DCDC1: variants seen among roughly 807,000 people sequenced by gnomAD.
DCDC1 encodes doublecortin domain containing 1, also known as doublecortin domain-containing protein 1.
DCDC1 carries 200 observed loss-of-function variants against 178.3 expected under a neutral mutation model. The observed-to-expected ratio is 1.12, with a 90% confidence interval of 1.00 to 1.26. DCDC1 has a LOEUF of 1.26. Ranked by LOEUF, DCDC1 falls within the 50% of genes most tolerant of loss-of-function variation. The probability of loss-of-function intolerance (pLI) is 0.00; values close to 1 mark genes in which losing one functional copy is unlikely to be tolerated. For synonymous variants in DCDC1, 690 were observed against 604.8 expected (o/e 1.14, Z -2.07); for missense variants, 1,983 against 1,749.2 (o/e 1.13, Z -2.38).
chr11:30,978,698 A>G (rs1486362964), intron 20 of DCDC1, among the ~76,000 whole-genome samples: 2 of 151,950 alleles, frequency 1.3e-5, no homozygotes, highest in African/African-American at 4.8e-5. Flanking sequence ...CTACAGTGCT[A>G]TAGAACGTTA....
At chr11:31,087,075 A>G (rs190828912) in intron 17 of DCDC1, among the ~76,000 whole-genome samples, 6 of 152,214 alleles carry the variant, frequency 3.9e-5, no homozygotes, top group African/African-American at 1.4e-4. Flanking sequence ...AGGACTATTC[A>G]GGTTTCCCAT....
chr11:30,916,994 C>T lies in DCDC1; in HGVS notation c.3328G>A (p.Ala1110Thr). The change falls in exon 26 of 39, where the codon GCT becomes ACT. Residue 1110 changes from alanine to threonine, a missense_variant. Physicochemically the swap from Ala to Thr is moderately conservative, Grantham distance 58 (BLOSUM62 0). Coordinates refer to ENST00000684477, the MANE Select transcript of DCDC1 (RefSeq NM_001387274.1). Reference protein sequence around the residue: ...SHVRAHLRMKACHTLPRYAWQ... With the variant: ...SHVRAHLRMKTCHTLPRYAWQ... The stretch of plus-strand genomic sequence containing the variant: ...GCATACCTGGGAAGTGTGTGACAAG[C>T]CTTCATTCGAAGATGAGCTCTTACG... The T allele has an allele frequency of 2.5e-6, 4 of 1,607,830 alleles. No homozygotes were observed. The highest frequency in any genetic ancestry group is 3.4e-6 in the Non-Finnish European group (4 of 1,177,430).
intron 9 of DCDC1, among the ~76,000 whole-genome samples, chr11:31,234,413 A>T (rs2136817535): frequency 6.6e-6 from 1 of 152,324 alleles, no homozygotes; most frequent in South Asian, 2.1e-4. Context: ...ACAAGAAGTG[A>T]GGAAGCCACT....
At chr11:31,116,036 A>T (rs1959904647) in intron 11 of DCDC1, among the ~76,000 whole-genome samples, 1 of 133,998 alleles carries the variant, frequency 7.5e-6, no homozygotes, top group African/African-American at 2.7e-5. Flanking sequence ...GCAGTGTGGC[A>T]CAGCATCCAC....
chr11:30,887,441 T>TACACAAC (rs1943277405), intron 36 of DCDC1, among the ~76,000 whole-genome samples: 1 of 152,188 alleles, frequency 6.6e-6, no homozygotes, highest in East Asian at 1.9e-4. Flanking sequence ...CAGATCAACG[T>TACACAAC]AATGTGTGCT....
intron 37 of DCDC1, among the ~76,000 whole-genome samples, 165 bp from the exon 38 acceptor site, chr11:30,878,876 T>C (rs1942389862): frequency 6.6e-6 from 1 of 152,158 alleles, no homozygotes; most frequent in Non-Finnish European, 1.5e-5. Flanking sequence ...GATATATTGT[T>C]AATAGTCTTT....
chr11:31,251,974 C>T (rs1944070138), intron 8 of DCDC1, among the ~76,000 whole-genome samples: 1 of 151,970 alleles, frequency 6.6e-6, no homozygotes, highest in South Asian at 2.1e-4. Flanking sequence ...CCATTCAGGC[C>T]ATGATACAAT....
At chr11:30,951,783 GA>G (rs1263303554) in intron 21 of DCDC1, among the ~76,000 whole-genome samples, 1 of 151,420 alleles carries the variant, frequency 6.6e-6, no homozygotes, top group Non-Finnish European at 1.5e-5. Flanking sequence ...AATGTAATGA[GA>G]AAAAAAACAT....
intron 9 of DCDC1, among the ~76,000 whole-genome samples, chr11:31,212,363 C>T (rs9919591): frequency 0.26 from 40,073 of 151,566 alleles, 5,455 homozygotes; most frequent in African/African-American, 0.32. Flanking sequence ...AATTTAACTG[C>T]TATATATCAA....
At chr11:31,218,331 C>G (rs57706589) in intron 9 of DCDC1, among the ~76,000 whole-genome samples, 3,133 of 152,162 alleles carry the variant, frequency 0.021, 95 homozygotes, top group African/African-American at 0.07. Context: ...AAGCTTTTCT[C>G]TTGATACTCT....
At chr11:31,171,648 T>C (rs962834760) in intron 9 of DCDC1, among the ~76,000 whole-genome samples, 1 of 152,202 alleles carries the variant, frequency 6.6e-6, no homozygotes, top group Non-Finnish European at 1.5e-5. Flanking sequence ...ATTATTTCCT[T>C]AATGATTAAT....
At chr11:30,943,518 A>T in intron 21 of DCDC1, 1 of 364,510 alleles carries the variant, frequency 2.7e-6, no homozygotes. Context: ...AAAATCGTAC[A>T]TCTTTTTAAT....
chr11:31,345,172 G>C (rs1332269527), intron 1 of DCDC1, among the ~76,000 whole-genome samples: 1 of 151,990 alleles, frequency 6.6e-6, no homozygotes, highest in Non-Finnish European at 1.5e-5. Flanking sequence ...CCTTATTATA[G>C]TATGTGGTTA....
intron 20 of DCDC1, among the ~76,000 whole-genome samples, chr11:31,046,615 G>A (rs200351878): frequency 5.1e-4 from 71 of 140,392 alleles, no homozygotes; most frequent in Admixed American, 6.4e-4. Context: ...GCCTCAGTAA[G>A]AAAAAAAAAA....
intron 13 of DCDC1, among the ~76,000 whole-genome samples, chr11:31,106,386 T>C (rs1288235613): frequency 1.3e-5 from 2 of 152,188 alleles, no homozygotes; most frequent in African/African-American, 2.4e-5. Context: ...CCTTTTCAAT[T>C]ACCATCCATT....
intron 20 of DCDC1, among the ~76,000 whole-genome samples, chr11:30,964,066 G>A (rs1245139190): frequency 1.3e-5 from 2 of 152,006 alleles, no homozygotes; most frequent in Non-Finnish European, 2.9e-5. Flanking sequence ...AGAAATATTG[G>A]CACTAAAAAT....
intron 13 of DCDC1, among the ~76,000 whole-genome samples, chr11:31,106,375 T>C (rs1958843207): frequency 6.6e-6 from 1 of 152,342 alleles, no homozygotes; most frequent in East Asian, 1.9e-4. Flanking sequence ...TTGCTTAAGA[T>C]CCTTTTCAAT....
chr11:31,199,995 C>G (rs1971106588), intron 9 of DCDC1, among the ~76,000 whole-genome samples: 1 of 151,940 alleles, frequency 6.6e-6, no homozygotes. Flanking sequence ...TATAGTTGAT[C>G]AATGTTTATA....
At chr11:31,356,508 A>G (rs1951374661) in intron 1 of DCDC1, among the ~76,000 whole-genome samples, 1 of 151,926 alleles carries the variant, frequency 6.6e-6, no homozygotes, top group Non-Finnish European at 1.5e-5. Context: ...TTGACACCCT[A>G]ACATCACAAT....
Sources: allele counts gnomAD v4.1 joint callset (sites outside exome capture counted in the v4.1 genomes callset), GRCh38; gene constraint gnomAD v4.1.1; transcripts MANE v1.5; gene names NCBI Gene and HGNC (gene_info 2026-07-23, HGNC 2026-07-21).